The following UBAP2 variants were observed in gnomAD, a reference collection of about 807,000 sequenced individuals.
The protein encoded by UBAP2 is ubiquitin associated protein 2, also known as ubiquitin-associated protein 2.
In UBAP2, 75 loss-of-function variants were observed where a neutral mutation model predicts 139.6. The observed-to-expected ratio is 0.54, with a 90% confidence interval of 0.45 to 0.65. The LOEUF is 0.65. Among genes scored for constraint, UBAP2 ranks in the 30% least tolerant of loss-of-function variants. UBAP2 has a pLI of 0.00. For synonymous variants in UBAP2, 526 were observed against 526.2 expected (o/e 1.00, Z 0.01); for missense variants, 1,368 against 1,369.6 (o/e 1.00, Z 0.02).
chr9:33,948,314 A>G, intron 13 of UBAP2, 60 bp downstream of exon 13: 1 of 1,440,510 alleles, frequency 6.9e-7, no homozygotes, highest in Admixed American at 2.1e-5. Flanking sequence ...AAGTCAACAC[A>G]CTCTGCCAAA....
chr9:33,936,270 C>T (rs949517469), intron 16 of UBAP2, among the ~76,000 whole-genome samples: 1 of 151,886 alleles, frequency 6.6e-6, no homozygotes, highest in Non-Finnish European at 1.5e-5. Context: ...GCATGAGCTA[C>T]CACACCCAGA....
At chr9:33,965,223 C>T (rs1471227745) in intron 8 of UBAP2, among the ~76,000 whole-genome samples, 6 of 152,282 alleles carry the variant, frequency 3.9e-5, no homozygotes, top group Non-Finnish European at 8.8e-5. Flanking sequence ...CAATGTTGTA[C>T]AATCATTACT....
intron 2 of UBAP2, among the ~76,000 whole-genome samples, chr9:34,001,419 G>A (rs949548282): frequency 6.6e-6 from 1 of 152,192 alleles, no homozygotes; most frequent in African/African-American, 2.4e-5. Context: ...TTGGGAGCTG[G>A]TAAGCTCTGA....
intron 9 of UBAP2, among the ~76,000 whole-genome samples, chr9:33,961,870 T>C (rs539731726): frequency 1.3e-5 from 2 of 152,202 alleles, no homozygotes; most frequent in African/African-American, 2.4e-5. Context: ...AAAATGATGA[T>C]TGTTTCCTAG....
At position 33,953,437 on chromosome 9, in the gene UBAP2, G is replaced by A. The variant is rs201229414; in HGVS notation, c.904C>T (p.His302Tyr). The part of the protein sequence containing the change: ...LVALLQKPVP[H>Y]SQASEANSFE... ...GAGTTGGCTTCTGAGGCTTGACTGT[G>A]AGGAACAGGCTTCTGGAGCAAGGCT... The change falls in exon 12 of 29, where the codon CAC becomes TAC. Residue 302 changes from histidine to tyrosine, a missense_variant. Physicochemically the swap from His to Tyr is moderately conservative, Grantham distance 83. Coordinates refer to ENST00000379238, the MANE Select transcript of UBAP2 (RefSeq NM_001370062.2). The A allele has an allele frequency of 4.6e-5, 74 of 1,614,034 alleles. No homozygotes were observed. Among genetic ancestry groups the A allele is most frequent in the Non-Finnish European group, 5.9e-6 (7 of 1,180,012 alleles).
intron 2 of UBAP2, among the ~76,000 whole-genome samples, chr9:34,003,375 CTTTT>C (rs34673994): frequency 4.3e-5 from 6 of 138,210 alleles, no homozygotes; most frequent in South Asian, 2.3e-4. Flanking sequence ...TCAAAGATGG[CTTTT>C]TTTTTTTTTT....
At chr9:33,954,843 C>T (rs1296154020) in intron 11 of UBAP2, among the ~76,000 whole-genome samples, 2 of 152,224 alleles carry the variant, frequency 1.3e-5, no homozygotes, top group African/African-American at 4.8e-5. Flanking sequence ...ATCACCATCT[C>T]ATTTAGCATG....
intron 1 of UBAP2, among the ~76,000 whole-genome samples, chr9:34,026,305 A>C (rs1279785327): frequency 6.6e-6 from 1 of 152,242 alleles, no homozygotes; most frequent in Non-Finnish European, 1.5e-5. Flanking sequence ...GGATGTTGAC[A>C]CACTTGTGCA....
intron 8 of UBAP2, among the ~76,000 whole-genome samples, chr9:33,971,071 G>C (rs1413314055): frequency 3.3e-5 from 5 of 152,150 alleles, no homozygotes; most frequent in African/African-American, 1.2e-4. Flanking sequence ...CCAAAGTGCT[G>C]GGATTACAGG....
intron 18 of UBAP2, 45 bp from the exon 19 acceptor site, chr9:33,932,673 C>T (rs758453743): frequency 6.2e-7 from 1 of 1,608,494 alleles, no homozygotes; most frequent in East Asian, 2.2e-5. Flanking sequence ...GAACAAGTGA[C>T]TCCAGATGAA....
At chr9:34,025,400 C>A (rs892824254) in intron 1 of UBAP2, among the ~76,000 whole-genome samples, 22 of 152,154 alleles carry the variant, frequency 1.4e-4, no homozygotes, top group Admixed American at 2.6e-4. Context: ...CTCAAACATA[C>A]CTATCTCAAG....
chr9:34,011,697 T>C, intron 2 of UBAP2: 4 of 985,572 alleles, frequency 4.1e-6, no homozygotes, highest in Non-Finnish European at 4.8e-6. Context: ...CAGGATCAAC[T>C]GGTAATTCTT....
At chr9:33,969,500 G>A (rs2131044910) in intron 8 of UBAP2, among the ~76,000 whole-genome samples, 1 of 151,676 alleles carries the variant, frequency 6.6e-6, no homozygotes, top group Admixed American at 6.6e-5. Flanking sequence ...AGTGAGCTAT[G>A]ATCACACTAC....
At chr9:33,994,832 AAC>A (rs1822014347) in intron 4 of UBAP2, 1 of 152,186 alleles carries the variant, frequency 6.6e-6, no homozygotes, top group Non-Finnish European at 1.5e-5. Context: ...ATCAACTAAA[AAC>A]ACAGTCATTT....
Position 33,932,552 on chromosome 9 carries a change from A to G in UBAP2, c.2175+10T>C. 1 of 1,613,792 alleles carries G rather than the reference A, an allele frequency of 6.2e-7. No individual in the cohort carries two copies. The highest frequency in any genetic ancestry group is 8.5e-7 in the Non-Finnish European group (1 of 1,179,988). ...ATGGCGGAGGAAGAGGAAGCCGCGC[A>G]GACACTTACTGTGTGTGACGTGCTC... On this transcript the variant is annotated intron_variant, in intron 19 of 28. Transcript: ENST00000379238.
chr9:33,982,496 G>A (rs909334803), intron 6 of UBAP2, among the ~76,000 whole-genome samples: 2 of 152,148 alleles, frequency 1.3e-5, no homozygotes, highest in Non-Finnish European at 2.9e-5. Flanking sequence ...GATTTTGACA[G>A]TAAAATTAAG....
chr9:34,032,527 A>G (rs1215959095), intron 1 of UBAP2, among the ~76,000 whole-genome samples: 1 of 152,168 alleles, frequency 6.6e-6, no homozygotes, highest in Non-Finnish European at 1.5e-5. Context: ...ATATCAAAAT[A>G]TAGGCTAACC....
At chr9:34,040,141 A>G (rs934278407) in intron 1 of UBAP2, among the ~76,000 whole-genome samples, 2 of 151,120 alleles carry the variant, frequency 1.3e-5, no homozygotes, top group Non-Finnish European at 3.0e-5. Context: ...CCTGGGCGAC[A>G]AGGGCTAGAC....
At chr9:34,024,288 G>A (rs1825220395) in intron 1 of UBAP2, among the ~76,000 whole-genome samples, 1 of 150,606 alleles carries the variant, frequency 6.6e-6, no homozygotes, top group African/African-American at 2.4e-5. Context: ...GTTGCGGTGA[G>A]CCAAAATTGC....
Sources: allele counts gnomAD v4.1 joint callset (sites outside exome capture counted in the v4.1 genomes callset), GRCh38; gene constraint gnomAD v4.1.1; transcripts MANE v1.5; gene names NCBI Gene and HGNC (gene_info 2026-07-23, HGNC 2026-07-21).